PDE10A: variants seen among roughly 807,000 people sequenced by gnomAD.
PDE10A encodes the protein phosphodiesterase 10A, also known as cAMP and cAMP-inhibited cGMP 3',5'-cyclic phosphodiesterase 10A.
A neutral mutation model predicts 97.7 loss-of-function variants in PDE10A; 39 were observed. That is an observed-to-expected ratio of 0.40 (90% CI 0.31 to 0.52). PDE10A has a LOEUF of 0.52. PDE10A is among the 20% of genes least tolerant of loss of function. PDE10A has a pLI of 0.56. For synonymous variants in PDE10A, 371 were observed against 376.8 expected (o/e 0.98, Z 0.18); for missense variants, 731 against 1,047.8 (o/e 0.70, Z 4.17).
intron 1 of PDE10A, among the ~76,000 whole-genome samples, chr6:165,960,271 G>A (rs1488941082): frequency 2.0e-5 from 3 of 152,236 alleles, no homozygotes; most frequent in South Asian, 2.1e-4. Flanking sequence ...TTAATGTGGT[G>A]ATAGTTGTTA....
At chr6:165,921,847 G>C (rs1782761239) in intron 1 of PDE10A, among the ~76,000 whole-genome samples, 2 of 152,190 alleles carry the variant, frequency 1.3e-5, no homozygotes, top group African/African-American at 4.8e-5. Context: ...CCCTTTGAGA[G>C]AGACAGGGAG....
chr6:165,620,049 G>A (rs977382818), intron 1 of PDE10A, among the ~76,000 whole-genome samples: 10 of 152,102 alleles, frequency 6.6e-5, no homozygotes, highest in African/African-American at 2.2e-4. Flanking sequence ...TGTGTTTCAA[G>A]AAGCTGAGAC....
chr6:165,873,116 C>G (rs543467117), intron 1 of PDE10A, among the ~76,000 whole-genome samples: 1 of 152,246 alleles, frequency 6.6e-6, no homozygotes, highest in East Asian at 1.9e-4. Flanking sequence ...CCAGAATGTT[C>G]GGGGGAGCAG....
chr6:165,465,642 G>A (rs983553310), intron 3 of PDE10A, among the ~76,000 whole-genome samples: 1 of 152,176 alleles, frequency 6.6e-6, no homozygotes, highest in Non-Finnish European at 1.5e-5. Context: ...CATAGTGGAA[G>A]GTACCACGTC....
chr6:165,830,481 C>T (rs775825894), intron 1 of PDE10A, among the ~76,000 whole-genome samples: 5 of 152,132 alleles, frequency 3.3e-5, no homozygotes, highest in African/African-American at 4.8e-5. Flanking sequence ...ATGAGGATCT[C>T]GGTGGGGATC....
At chr6:165,911,950 G>A (rs910677088) in intron 1 of PDE10A, among the ~76,000 whole-genome samples, 9 of 151,944 alleles carry the variant, frequency 5.9e-5, no homozygotes, top group African/African-American at 2.2e-4. Flanking sequence ...AGATCTTCAG[G>A]TGGATATGAA....
intron 1 of PDE10A, among the ~76,000 whole-genome samples, chr6:165,825,441 A>G (rs1562755567): frequency 6.6e-6 from 1 of 152,248 alleles, no homozygotes; most frequent in East Asian, 1.9e-4. Context: ...CCCAAACTCC[A>G]ATTTAGATCC....
At chr6:165,452,622 C>G (rs769545261) in intron 3 of PDE10A, among the ~76,000 whole-genome samples, 2 of 152,148 alleles carry the variant, frequency 1.3e-5, no homozygotes, top group Non-Finnish European at 2.9e-5. Context: ...ATGAAGGCCC[C>G]TCATCCCAGG....
chr6:165,493,625 T>TAGA (rs1014196706), intron 2 of PDE10A, among the ~76,000 whole-genome samples: 2 of 151,356 alleles, frequency 1.3e-5, no homozygotes, highest in African/African-American at 4.8e-5. Context: ...GGGATAATTG[T>TAGA]AGAAGAATGA....
At chr6:165,549,804 T>C (rs1338939338) in intron 1 of PDE10A, among the ~76,000 whole-genome samples, 1 of 152,170 alleles carries the variant, frequency 6.6e-6, no homozygotes, top group Non-Finnish European at 1.5e-5. Flanking sequence ...TCTATAAAAA[T>C]TATTTATTTT....
At chr6:165,398,756 A>T (rs997613056) in intron 13 of PDE10A, among the ~76,000 whole-genome samples, 1 of 152,166 alleles carries the variant, frequency 6.6e-6, no homozygotes, top group Admixed American at 6.5e-5. Context: ...ATTCAATTTT[A>T]AAGGTAGAGA....
At chr6:165,393,644 G>A (rs917217365) in intron 15 of PDE10A, among the ~76,000 whole-genome samples, 2 of 152,058 alleles carry the variant, frequency 1.3e-5, no homozygotes, top group Non-Finnish European at 2.9e-5. Context: ...TGCATTCTGA[G>A]AATTAACTGG....
intron 1 of PDE10A, among the ~76,000 whole-genome samples, chr6:165,734,309 C>G (rs1022304159): frequency 6.6e-6 from 1 of 151,974 alleles, no homozygotes; most frequent in Non-Finnish European, 1.5e-5. Context: ...AAGAACATTG[C>G]CACCACCCGA....
chr6:165,839,866 T>TCCGCATCACCATC (rs1562762485), intron 1 of PDE10A, among the ~76,000 whole-genome samples: 3 of 75,792 alleles, frequency 4.0e-5, no homozygotes, highest in Admixed American at 1.5e-4. Context: ...CCTGTCTCCA[T>TCCGCATCACCATC]TCCCATCTGC....
At chr6:165,416,378 C>A in intron 11 of PDE10A, 97 bp from the exon 12 acceptor site, 1 of 825,824 alleles carries the variant, frequency 1.2e-6, no homozygotes, top group Non-Finnish European at 2.1e-6. Flanking sequence ...ATTAAAAGCA[C>A]TGTTTTACTT....
At chr6:165,520,065 T>C (rs1439296026) in intron 2 of PDE10A, among the ~76,000 whole-genome samples, 2 of 152,178 alleles carry the variant, frequency 1.3e-5, no homozygotes, top group African/African-American at 2.4e-5. Context: ...CCAAGCTGCC[T>C]TTTCAAGTTT....
intron 1 of PDE10A, among the ~76,000 whole-genome samples, chr6:165,934,253 G>T (rs1054520371): frequency 6.7e-6 from 1 of 150,160 alleles, no homozygotes. Flanking sequence ...GCCAATCTTG[G>T]CCTCCCAAAG....
chr6:165,432,164 AGAAAT>A (rs1789622509), intron 7 of PDE10A, among the ~76,000 whole-genome samples: 1 of 152,220 alleles, frequency 6.6e-6, no homozygotes, highest in Non-Finnish European at 1.5e-5. Flanking sequence ...GAGAAGGACA[AGAAAT>A]GAAATAAGTG....
chr6:165,639,825 T>C (rs1249726473), intron 1 of PDE10A, among the ~76,000 whole-genome samples: 1 of 151,810 alleles, frequency 6.6e-6, no homozygotes, highest in Non-Finnish European at 1.5e-5. Flanking sequence ...CCCAACACTT[T>C]GGGAGGCCAA....
Sources: allele counts gnomAD v4.1 joint callset (sites outside exome capture counted in the v4.1 genomes callset), GRCh38; gene constraint gnomAD v4.1.1; transcripts MANE v1.5; gene names NCBI Gene and HGNC (gene_info 2026-07-23, HGNC 2026-07-21).